The following FNDC3B variants were observed in gnomAD, a reference collection of about 807,000 sequenced individuals.
FNDC3B encodes the protein fibronectin type III domain containing 3B.
FNDC3B carries 12 observed loss-of-function variants against 151.5 expected under a neutral mutation model. The ratio of observed to expected loss-of-function variants is 0.08; its 90% CI spans 0.05 to 0.13. The LOEUF (loss-of-function observed/expected upper bound fraction) is 0.13, where lower values mean the gene tolerates loss of function less well. FNDC3B is among the 10% of genes least tolerant of loss of function. The pLI, the probability that FNDC3B is intolerant of heterozygous loss-of-function variation, is 1.00. For synonymous variants in FNDC3B, 528 were observed against 549.0 expected, an observed-to-expected ratio of 0.96 and a Z score of 0.54; for missense variants, 1,214 against 1,505.3, an observed-to-expected ratio of 0.81 and a Z score of 3.20.
chr3:172,299,890 A>T (rs1730820103), intron 9 of FNDC3B, among the ~76,000 whole-genome samples: 1 of 151,954 alleles, frequency 6.6e-6, no homozygotes, highest in African/African-American at 2.4e-5. Flanking sequence ...TTTCTCAGTT[A>T]AAAAAAAGGT....
intron 3 of FNDC3B, among the ~76,000 whole-genome samples, chr3:172,195,443 C>G (rs1392428078): frequency 6.6e-6 from 1 of 152,148 alleles, no homozygotes; most frequent in Non-Finnish European, 1.5e-5. Flanking sequence ...TAATTCTGTT[C>G]AAGGCAGGAA....
intron 3 of FNDC3B, among the ~76,000 whole-genome samples, chr3:172,150,892 A>C (rs1722184617): frequency 6.6e-6 from 1 of 151,828 alleles, no homozygotes; most frequent in Non-Finnish European, 1.5e-5. Flanking sequence ...AAAATACACT[A>C]CTCTTTATTT....
chr3:172,243,532 C>T (rs113298398), intron 4 of FNDC3B, among the ~76,000 whole-genome samples: 1 of 152,250 alleles, frequency 6.6e-6, no homozygotes, highest in Middle Eastern at 3.4e-3. Context: ...CATCAGATCT[C>T]GTGACACTTA....
At chr3:172,241,554 G>A (rs1479663596) in intron 4 of FNDC3B, among the ~76,000 whole-genome samples, 1 of 147,298 alleles carries the variant, frequency 6.8e-6, no homozygotes, top group African/African-American at 2.5e-5. Flanking sequence ...CATCTTACAT[G>A]GATGGCAGCA....
chr3:172,401,480 A>T lies in FNDC3B; in HGVS notation c.*4005A>T, dbSNP rs1342524840. 1 of 152,218 alleles carries T rather than the reference A, an allele frequency of 6.6e-6. No homozygotes were observed. Among genetic ancestry groups the T allele is most frequent in the African/African-American group, 2.4e-5 (1 of 41,458 alleles). The allele number at this position is 152,218 out of a possible 1,614,324, so 9.4% of individuals were successfully genotyped here. On this transcript the variant is annotated 3_prime_UTR_variant, in exon 26 of 26. Transcript: ENST00000415807. ...TAATCCTTTATCAGAGTCTCTGTGG[A>T]TAATGTACCTTGTTGCCTAATACTT...
At chr3:172,169,725 C>T (rs998288246) in intron 3 of FNDC3B, among the ~76,000 whole-genome samples, 10 of 152,234 alleles carry the variant, frequency 6.6e-5, no homozygotes, top group Non-Finnish European at 2.9e-5. Context: ...AGAAAAGCTG[C>T]ACAGGTGCCT....
chr3:172,145,430 C>T (rs547858253), intron 3 of FNDC3B, among the ~76,000 whole-genome samples: 2 of 152,270 alleles, frequency 1.3e-5, no homozygotes, highest in South Asian at 4.1e-4. Flanking sequence ...TTTTGCAGTT[C>T]TCATTAAAGT....
At chr3:172,393,822 G>T (rs541695891) in intron 25 of FNDC3B, among the ~76,000 whole-genome samples, 2 of 151,834 alleles carry the variant, frequency 1.3e-5, no homozygotes, top group Non-Finnish European at 2.9e-5. Context: ...AAATGTATGG[G>T]ATACGGCCAG....
At chr3:172,356,098 T>G (rs1734082252) in intron 22 of FNDC3B, among the ~76,000 whole-genome samples, 1 of 152,208 alleles carries the variant, frequency 6.6e-6, no homozygotes, top group South Asian at 2.1e-4. Flanking sequence ...TAACATGTAT[T>G]GAGCCCTTAC....
chr3:172,082,023 A>C (rs140210768), intron 1 of FNDC3B, among the ~76,000 whole-genome samples: 76 of 152,318 alleles, frequency 5.0e-4, no homozygotes, highest in African/African-American at 1.8e-3. Context: ...CACTTTGATA[A>C]TACTTAATTA....
chr3:172,185,059 G>A (rs939026552), intron 3 of FNDC3B, among the ~76,000 whole-genome samples: 1 of 152,204 alleles, frequency 6.6e-6, no homozygotes, highest in Non-Finnish European at 1.5e-5. Flanking sequence ...CAAGAGGGTA[G>A]ATGAAAGCCA....
rs544888212 is a variant in FNDC3B, at chr3:172,280,949, T to C, written c.791-4977T>C. 9.2e-5 allele frequency among the ~76,000 whole-genome samples: 14 copies of C among 152,228 alleles called. No homozygotes were observed. In the East Asian group the frequency reaches 1.9e-3, roughly 21 times the overall value. ...TGCTTGTGTATTTTTATTTCAACCTTCCTTTTACTAAAAATGCTTTATTTC... is the reference window on the plus strand; with the variant it reads ...TGCTTGTGTATTTTTATTTCAACCTCCCTTTTACTAAAAATGCTTTATTTC... On this transcript the variant is annotated intron_variant, in intron 6 of 25. Transcript: ENST00000415807.
chr3:172,342,985 G>A, intron 17 of FNDC3B, 26 bp from the exon 18 acceptor site: 1 of 1,362,104 alleles, frequency 7.3e-7, no homozygotes, highest in Non-Finnish European at 1.1e-6. Flanking sequence ...ACTAAGAGAT[G>A]GTTCTCTCTG....
rs1183479499 is a variant in FNDC3B at position 172,070,484 on chromosome 3, T to C, written c.-29+30713T>C. Among the ~76,000 whole-genome samples the C allele has an allele frequency of 2.6e-5, 4 of 152,262 alleles. No homozygotes were observed. The East Asian group carries it at 5.8e-4, about 22-fold the overall frequency. On this transcript the variant is annotated intron_variant, in intron 1 of 25. Transcript: ENST00000415807. ...TCGCATGAAAGGATCAACACTCCCCTGGACATACAGTTGTTTGGGATAATC... is the reference window on the plus strand; with the variant it reads ...TCGCATGAAAGGATCAACACTCCCCCGGACATACAGTTGTTTGGGATAATC...
intron 4 of FNDC3B, among the ~76,000 whole-genome samples, chr3:172,244,047 C>A (rs1224828134): frequency 6.6e-6 from 1 of 152,200 alleles, no homozygotes; most frequent in African/African-American, 2.4e-5. Flanking sequence ...CACACTTCTG[C>A]TTTCTTAACA....
chr3:172,382,511 C>T (rs913324255), intron 25 of FNDC3B, among the ~76,000 whole-genome samples: 5 of 152,172 alleles, frequency 3.3e-5, no homozygotes, highest in African/African-American at 1.2e-4. Context: ...GTTGCCATTG[C>T]TTTTGGTGTT....
At chr3:172,265,058 G>T (rs1483204614) in intron 6 of FNDC3B, among the ~76,000 whole-genome samples, 1 of 152,214 alleles carries the variant, frequency 6.6e-6, no homozygotes, top group Non-Finnish European at 1.5e-5. Context: ...TTTGGTGTGT[G>T]TGGAAAACCT....
At chr3:172,221,381 T>C (rs1174526094) in intron 3 of FNDC3B, among the ~76,000 whole-genome samples, 1 of 152,212 alleles carries the variant, frequency 6.6e-6, no homozygotes, top group South Asian at 2.1e-4. Context: ...CTGGTTCTTA[T>C]AGTCTTCTGT....
At position 172,117,262 on chromosome 3, in the gene FNDC3B, A is replaced by T. The variant is rs1720304625; in HGVS notation, c.111+4672A>T. The stretch of plus-strand genomic sequence containing the variant: ...TATGCCTAATTGTATACTATTGTTG[A>T]GTTATAAAAATCAGGTTTCAACCTG... On this transcript the variant is annotated intron_variant, in intron 2 of 25. Coordinates refer to ENST00000415807, the MANE Select transcript of FNDC3B (RefSeq NM_022763.4). Among the ~76,000 whole-genome samples, 3 of 152,174 alleles carry T rather than the reference A, an allele frequency of 2.0e-5. No homozygotes were observed. In the South Asian group the frequency reaches 6.2e-4, roughly 31 times the overall value.
Sources: allele counts gnomAD v4.1 joint callset (sites outside exome capture counted in the v4.1 genomes callset), GRCh38; gene constraint gnomAD v4.1.1; transcripts MANE v1.5; gene names NCBI Gene and HGNC (gene_info 2026-07-23, HGNC 2026-07-21).